SCUBE1: variants seen among roughly 807,000 people sequenced by gnomAD.
SCUBE1 encodes signal peptide, CUB domain and EGF like domain containing 1.
Under a neutral mutation model 124.4 loss-of-function variants are expected in SCUBE1, and 59 were observed. That is an observed-to-expected ratio of 0.47 (90% CI 0.38 to 0.59). The LOEUF is 0.59. Ranked by LOEUF, SCUBE1 falls within the 20% of genes least tolerant of loss-of-function variation. SCUBE1 has a pLI of 0.00. For synonymous variants in SCUBE1, 545 were observed against 550.9 expected, an observed-to-expected ratio of 0.99 and a Z score of 0.15; for missense variants, 1,150 against 1,371.2, an observed-to-expected ratio of 0.84 and a Z score of 2.55.
At chr22:43,280,665 C>T (rs933808261) in intron 4 of SCUBE1, among the ~76,000 whole-genome samples, 3 of 150,842 alleles carry the variant, frequency 2.0e-5, no homozygotes, top group Admixed American at 2.0e-4. Context: ...CCCTATCAGC[C>T]CTCCTTCTGT....
chr22:43,211,917 C>A lies in SCUBE1; in HGVS notation c.2221+508G>T, dbSNP rs940427042. 6.6e-6 allele frequency among the ~76,000 whole-genome samples: 1 copy of A among 152,108 alleles called. No homozygotes were observed. Among genetic ancestry groups the A allele is most frequent in the South Asian group, 2.1e-4 (1 of 4,828 alleles). On this transcript the variant is annotated intron_variant, in intron 17 of 21. Coordinates refer to ENST00000360835, the MANE Select transcript of SCUBE1 (RefSeq NM_173050.5). The surrounding 1 kb of genome is among the most constrained non-coding windows in gnomAD (Gnocchi z 4.5). ...TCCAGGGGGCTGAGAGCCAGGCCAC[C>A]TGGACAGACAGACAGACACTGAGAG...
chr22:43,264,641 A>T (rs1304943083), intron 4 of SCUBE1, among the ~76,000 whole-genome samples: 3 of 152,192 alleles, frequency 2.0e-5, no homozygotes, highest in Non-Finnish European at 2.9e-5. Flanking sequence ...CGGTGGGCTG[A>T]GTCCAGGGTC....
chr22:43,312,686 G>A (rs936988859), intron 3 of SCUBE1, among the ~76,000 whole-genome samples: 51 of 152,350 alleles, frequency 3.3e-4, no homozygotes, highest in African/African-American at 1.2e-3. Flanking sequence ...GGCTGAACGA[G>A]CTATGGGGTG....
At position 43,210,022 on chromosome 22, in the gene SCUBE1, T is replaced by C; in HGVS notation, c.2581+21A>G. ...CACACGCAGCTGAGGCTGCCTCTGG[T>C]CCCCTCGGCCCCCAACATACCACTC... On this transcript the variant is annotated intron_variant, in intron 19 of 21. Coordinates refer to ENST00000360835, the MANE Select transcript of SCUBE1 (RefSeq NM_173050.5). The surrounding 1 kb of genome is among the most constrained non-coding windows in gnomAD (Gnocchi z 4.5). 1 of 1,575,200 alleles carries C rather than the reference T, an allele frequency of 6.3e-7. No individual in the cohort carries two copies. The highest frequency in any genetic ancestry group is 1.8e-5 in the Admixed American group (1 of 56,970).
Position 43,220,507 on chromosome 22 carries a change from C to G in SCUBE1, c.1630G>C (p.Glu544Gln), listed in dbSNP as rs1049564853. The change falls in exon 14 of 22, where the codon GAG becomes CAG. Residue 544 changes from glutamate to glutamine, a missense_variant. Transcript: ENST00000360835. ...AACTCTGCTGTGATGTGGGACACCT[C>G]CTTGGATGGGGACTTGCGGCCACGG... The part of the protein sequence containing the change: ...RRRGRKSPSK[E>Q]VSHITAEFEI... The G allele has an allele frequency of 3.1e-6, 5 of 1,614,156 alleles. No individual in the cohort carries two copies. Among genetic ancestry groups the G allele is most frequent in the Non-Finnish European group, 4.2e-6 (5 of 1,180,020 alleles).
intron 2 of SCUBE1, among the ~76,000 whole-genome samples, chr22:43,325,707 T>G (rs571370761): frequency 6.6e-6 from 1 of 152,078 alleles, no homozygotes; most frequent in South Asian, 2.1e-4. Flanking sequence ...CTTCCCCTGC[T>G]TGGATTTTTT....
intron 10 of SCUBE1, among the ~76,000 whole-genome samples, chr22:43,223,544 G>A (rs572271265): frequency 6.6e-6 from 1 of 152,346 alleles, no homozygotes; most frequent in East Asian, 1.9e-4. Context: ...GAAAGGAACG[G>A]CGCTAAATGA....
intron 2 of SCUBE1, among the ~76,000 whole-genome samples, chr22:43,324,408 C>T (rs1198593864): frequency 6.6e-6 from 1 of 152,206 alleles, no homozygotes; most frequent in Non-Finnish European, 1.5e-5. Flanking sequence ...GGCTGAGCAT[C>T]TCTCAGAACA....
intron 4 of SCUBE1, among the ~76,000 whole-genome samples, chr22:43,288,985 C>T (rs1237354580): frequency 6.6e-6 from 1 of 152,234 alleles, no homozygotes; most frequent in Non-Finnish European, 1.5e-5. Flanking sequence ...ACAGGCCAAA[C>T]CTGTAACAAA....
At chr22:43,212,351 T>C (rs1921600436) in intron 17 of SCUBE1, 74 bp downstream of exon 17, 1 of 1,469,132 alleles carries the variant, frequency 6.8e-7, no homozygotes, top group Non-Finnish European at 9.2e-7. Context: ...ATGAGAGGGG[T>C]TCGGGGAAGC....
chr22:43,224,509 C>T (rs1357559291), intron 10 of SCUBE1, among the ~76,000 whole-genome samples: 3 of 152,264 alleles, frequency 2.0e-5, no homozygotes, highest in Non-Finnish European at 4.4e-5. Context: ...GACCAGATGG[C>T]GACACAGGCC....
Position 43,198,874 on chromosome 22 carries a change from TG to T in SCUBE1, c.*5122del, listed in dbSNP as rs1008012415. 19 of 386,904 alleles carry T rather than the reference TG, an allele frequency of 4.9e-5. No individual in the cohort carries two copies. The highest frequency in any genetic ancestry group is 2.7e-4 in the South Asian group (14 of 52,008). The allele number at this position is 386,904 out of a possible 1,614,324, so 24.0% of individuals were successfully genotyped here. A position where few individuals can be genotyped will look rare whatever the true frequency, so the allele number is the denominator to read the frequency against. On this transcript the variant is annotated 3_prime_UTR_variant, in exon 22 of 22. Coordinates refer to ENST00000360835, the MANE Select transcript of SCUBE1 (RefSeq NM_173050.5). ...GAAGTGTGTCTGTCTGTCTGCTGTC[TG>T]GGGCAGTTTGCTGTCTGCTTTCCGG...
In SCUBE1 at chr22:43,258,091, T is replaced by G; in HGVS notation, c.727+128A>C. 1 of 741,072 alleles carries G rather than the reference T, an allele frequency of 1.3e-6. No homozygotes were observed. Among genetic ancestry groups the G allele is most frequent in the Non-Finnish European group, 2.3e-6 (1 of 426,498 alleles). 45.9% of individuals were successfully genotyped at this position (741,072 alleles called of 1,614,324 possible). ...CCCCGCCATTGCCATGGGCTTGCCT[T>G]TCCTTGTTTCCCTGAAGCTTCCTTC... On this transcript the variant is annotated intron_variant, in intron 6 of 21. Coordinates refer to ENST00000360835, the MANE Select transcript of SCUBE1 (RefSeq NM_173050.5). This position sits in a 1 kb window ranked among gnomAD's most constrained non-coding sequence, Gnocchi z 5.0.
chr22:43,330,465 G>T (rs1471491193), intron 2 of SCUBE1, among the ~76,000 whole-genome samples: 1 of 152,150 alleles, frequency 6.6e-6, no homozygotes, highest in Non-Finnish European at 1.5e-5. Context: ...TTTCATTGCT[G>T]CACTTTCCAC....
chr22:43,248,503 G>A (rs980500933), intron 6 of SCUBE1, among the ~76,000 whole-genome samples: 1 of 152,252 alleles, frequency 6.6e-6, no homozygotes, highest in African/African-American at 2.4e-5. Context: ...GACAGTGAGG[G>A]ACTCAACTGA....
At chr22:43,224,097 T>C (rs749845191) in intron 10 of SCUBE1, among the ~76,000 whole-genome samples, 1 of 152,270 alleles carries the variant, frequency 6.6e-6, no homozygotes, top group Non-Finnish European at 1.5e-5. Flanking sequence ...TACTGAGCGG[T>C]GGCTGATCTC....
intron 3 of SCUBE1, among the ~76,000 whole-genome samples, chr22:43,317,512 CT>C: frequency 6.6e-6 from 1 of 152,334 alleles, no homozygotes; most frequent in East Asian, 1.9e-4. Context: ...CATAGCCTCC[CT>C]CTACCAACAA....
chr22:43,262,034 G>A (rs1923889883), intron 5 of SCUBE1, among the ~76,000 whole-genome samples: 1 of 152,130 alleles, frequency 6.6e-6, no homozygotes, highest in African/African-American at 2.4e-5. Context: ...ACTACACGTG[G>A]GCCCCGTAGG....
chr22:43,335,938 T>C (rs1927062932), intron 2 of SCUBE1, among the ~76,000 whole-genome samples: 1 of 151,682 alleles, frequency 6.6e-6, no homozygotes, highest in African/African-American at 2.4e-5. Context: ...GTGATGATGA[T>C]GGTGATGAAG....
Sources: gnomAD v4.1 joint callset for allele counts (sites outside exome capture counted in the v4.1 genomes callset) on GRCh38, gnomAD v4.1.1 for gene constraint, Gnocchi (gnomAD v3.1) non-coding constraint, MANE v1.5 for transcripts, NCBI Gene and HGNC (gene_info 2026-07-23, HGNC 2026-07-21) for gene names.